The following CREG2 variants were observed in gnomAD, a reference collection of about 807,000 sequenced individuals.
CREG2 encodes protein CREG2.
CREG2 carries 24 observed loss-of-function variants against 26.2 expected under a neutral mutation model. The ratio of observed to expected loss-of-function variants is 0.92; its 90% confidence interval spans 0.66 to 1.29. CREG2 has a LOEUF of 1.29. Ranked by LOEUF, CREG2 falls within the 50% of genes most tolerant of loss-of-function variation. The pLI, the probability that CREG2 is intolerant of heterozygous loss-of-function variation, is 0.00. For missense variants in CREG2, 366 were observed against 398.6 expected (o/e 0.92, Z 0.70); for synonymous variants, 174 against 169.2 (o/e 1.03, Z -0.22).
chr2:101,361,271 GC>G (rs1684535723), intron 2 of CREG2, among the ~76,000 whole-genome samples: 1 of 152,202 alleles, frequency 6.6e-6, no homozygotes, highest in Admixed American at 6.5e-5. Flanking sequence ...TGGTAGACAG[GC>G]TAATGGCCCC....
Position 101,383,695 on chromosome 2 carries a change from C to G in CREG2, c.449G>C (p.Gly150Ala), listed in dbSNP as rs776322983. 5 of 1,603,842 alleles carry G rather than the reference C, an allele frequency of 3.1e-6. No individual in the cohort carries two copies. In the Admixed American group the frequency reaches 6.8e-5, roughly 22 times the overall value. Residue 150 changes from glycine (G) to alanine (A), a missense_variant, in exon 2 of 4, where the codon GGA becomes GCA. Gly to Ala is a moderately conservative substitution (Grantham distance 60). Around this residue, in one of 3 missense-constraint regions of CREG2, gnomAD observed 174 missense variants for 178.2 expected, o/e 0.98. Transcript: ENST00000324768. ...ATVSTHKKIQGLPFGNCLPVS... is the reference protein window; with the variant it reads ...ATVSTHKKIQALPFGNCLPVS... Reference sequence around the variant, plus strand: ...GGGCAGGCAGTTCCCAAATGGCAGTCCTTGGATCTAACAAACACCAAAAAA... The same window carrying G: ...GGGCAGGCAGTTCCCAAATGGCAGTGCTTGGATCTAACAAACACCAAAAAA...
chr2:101,365,468 A>G (rs987019616), intron 2 of CREG2, among the ~76,000 whole-genome samples: 3 of 152,188 alleles, frequency 2.0e-5, no homozygotes, highest in Non-Finnish European at 4.4e-5. Flanking sequence ...CATCACAGGA[A>G]ACCTATCAAA....
At chr2:101,385,587 A>G (rs1216469227) in intron 1 of CREG2, among the ~76,000 whole-genome samples, 1 of 152,180 alleles carries the variant, frequency 6.6e-6, no homozygotes, top group Non-Finnish European at 1.5e-5. Context: ...ACTTGCTCAG[A>G]ATTCAGGGGT....
chr2:101,382,084 T>C (rs934739340), intron 2 of CREG2: 17 of 152,298 alleles, frequency 1.1e-4, no homozygotes, highest in African/African-American at 3.6e-4. Context: ...GCGGCTGTGC[T>C]CTGGGTTCTG....
rs1191499590 is a variant in CREG2, at chr2:101,348,866, AAC to A, written c.*2055_*2056del. ...ATGTAAATTTCTAGAGATTTGCTGAAACACACTTGCCTGAATGGAGACCATCA... is the reference window on the plus strand; with the variant it reads ...ATGTAAATTTCTAGAGATTTGCTGAAACACTTGCCTGAATGGAGACCATCA... On this transcript the variant is annotated 3_prime_UTR_variant, in exon 4 of 4. Coordinates refer to ENST00000324768, the MANE Select transcript of CREG2 (RefSeq NM_153836.4). 1 of 152,196 alleles carries A rather than the reference AAC, an allele frequency of 6.6e-6. No homozygotes were observed. Among genetic ancestry groups the A allele is most frequent in the East Asian group, 1.9e-4 (1 of 5,208 alleles). The allele number at this position is 152,196 out of a possible 1,614,324, so 9.4% of individuals were successfully genotyped here.
chr2:101,382,368 G>C (rs987257007), intron 2 of CREG2: 1 of 450,348 alleles, frequency 2.2e-6, no homozygotes, highest in African/African-American at 2.2e-5. Context: ...CACGGTTGCA[G>C]TGAACCGAGA....
At chr2:101,352,674 G>C (rs1684400172) in intron 3 of CREG2, among the ~76,000 whole-genome samples, 1 of 152,180 alleles carries the variant, frequency 6.6e-6, no homozygotes, top group Non-Finnish European at 1.5e-5. Flanking sequence ...CAGCCGTGGT[G>C]GTGCACACCT....
intron 2 of CREG2, among the ~76,000 whole-genome samples, chr2:101,364,676 C>T (rs1364683319): frequency 1.3e-5 from 2 of 152,202 alleles, no homozygotes; most frequent in African/African-American, 4.8e-5. Flanking sequence ...GGATTCTTTT[C>T]ATGAATTGAA....
intron 2 of CREG2, among the ~76,000 whole-genome samples, chr2:101,364,172 C>T (rs1558816533): frequency 6.6e-6 from 1 of 152,164 alleles, no homozygotes. Flanking sequence ...TGAGATATGT[C>T]ACAAGGCTTT....
intron 2 of CREG2, among the ~76,000 whole-genome samples, chr2:101,359,890 A>C (rs1214155565): frequency 1.3e-5 from 2 of 152,226 alleles, no homozygotes; most frequent in Non-Finnish European, 2.9e-5. Context: ...GAGACCATTC[A>C]TAAGAATTTT....
Position 101,383,670 on chromosome 2 carries a change from G to C in CREG2, c.474C>G (p.Pro158=), listed in dbSNP as rs748123128. The change falls in exon 2 of 4, where the codon CCC becomes CCG. Residue 158 remains proline, a synonymous_variant. Transcript: ENST00000324768. ...IQGLPFGNCL[P]VSDGPFNNST... ...TATTGTTGAAGGGGCCATCACTGAC[G>C]GGCAGGCAGTTCCCAAATGGCAGTC... 1.9e-6 allele frequency: 3 copies of C among 1,610,662 alleles called. No homozygotes were observed. Among genetic ancestry groups the C allele is most frequent in the Admixed American group, 1.7e-5 (1 of 59,484 alleles).
intron 3 of CREG2, among the ~76,000 whole-genome samples, chr2:101,352,011 G>A (rs1044933232): frequency 6.6e-6 from 1 of 151,120 alleles, no homozygotes; most frequent in Non-Finnish European, 1.5e-5. Flanking sequence ...TCAGCCTCAT[G>A]AGTAGCGTGC....
rs1010413147 is a variant in CREG2, at chr2:101,346,159, A to C, written c.*4764T>G. The C allele has an allele frequency of 1.3e-5, 2 of 152,170 alleles. No individual in the cohort carries two copies. 9.4% of individuals were successfully genotyped at this position (152,170 alleles called of 1,614,324 possible). A position where few individuals can be genotyped will look rare whatever the true frequency, so the allele number is the denominator to read the frequency against. ...CAGCCTAGAAATACTTTTCAACCAA[A>C]AAGCGACTCTCTTATAAACAGCTAA... On this transcript the variant is annotated 3_prime_UTR_variant, in exon 4 of 4. Transcript: ENST00000324768.
rs979306882 is a variant in CREG2, at chr2:101,364,119, T to G, written c.612-8753A>C. 3.3e-5 allele frequency among the ~76,000 whole-genome samples: 5 copies of G among 152,280 alleles called. No homozygotes were observed. In the South Asian group the frequency reaches 6.2e-4, roughly 19 times the overall value. On this transcript the variant is annotated intron_variant, in intron 2 of 3. Transcript: ENST00000324768. The stretch of plus-strand genomic sequence containing the variant: ...ATGTCCTGCAATGCATGGGACGATC[T>G]TACACAAGGAACTGTCCTACCCCAA...
At position 101,349,219 on chromosome 2, in the gene CREG2, CAAT is replaced by C. The variant is rs1389272405; in HGVS notation, c.*1701_*1703del. ...CCCCATTTTTCTAAATTGGGAGTAGCAATAATTTTAAACTCTGAAAATATAAAA... is the reference window on the plus strand; with the variant it reads ...CCCCATTTTTCTAAATTGGGAGTAGCAATTTTAAACTCTGAAAATATAAAA... On this transcript the variant is annotated 3_prime_UTR_variant, in exon 4 of 4. Coordinates refer to ENST00000324768, the MANE Select transcript of CREG2 (RefSeq NM_153836.4). 1.3e-5 allele frequency: 2 copies of C among 152,538 alleles called. No homozygotes were observed. The highest frequency in any genetic ancestry group is 4.8e-5 in the African/African-American group (2 of 41,426). 9.4% of individuals were successfully genotyped at this position (152,538 alleles called of 1,614,324 possible). A position where few individuals can be genotyped will look rare whatever the true frequency, so the allele number is the denominator to read the frequency against.
In CREG2 at chr2:101,386,998, C is replaced by A. The variant is rs1401034758; in HGVS notation, c.441+19G>T. ...CGCCTGAATGCCAGGCCCCCTCGCG[C>A]TCCCCGCCGGGCGCTCACCTTCTTG... is the stretch of plus-strand genomic sequence containing the variant. On this transcript the variant is annotated intron_variant, in intron 1 of 3. Transcript: ENST00000324768. The A allele has an allele frequency of 3.2e-6, 4 of 1,232,432 alleles. No homozygotes were observed. The highest frequency in any genetic ancestry group is 1.6e-5 in the African/African-American group (1 of 64,304). 76.3% of individuals were successfully genotyped at this position (1,232,432 alleles called of 1,614,324 possible).
At chr2:101,385,604 T>G (rs369852673) in intron 1 of CREG2, among the ~76,000 whole-genome samples, 1 of 152,234 alleles carries the variant, frequency 6.6e-6, no homozygotes, top group African/African-American at 2.4e-5. Context: ...GGGTTGTCTT[T>G]GTCCTTGAAA....
At chr2:101,366,478 C>T (rs1684619525) in intron 2 of CREG2, among the ~76,000 whole-genome samples, 1 of 151,694 alleles carries the variant, frequency 6.6e-6, no homozygotes, top group Admixed American at 6.6e-5. Flanking sequence ...TCCAACCAAC[C>T]ACAGACTGAA....
chr2:101,382,383 G>T (rs1260736196), intron 2 of CREG2: 1 of 578,218 alleles, frequency 1.7e-6, no homozygotes, highest in Non-Finnish European at 2.2e-6. Context: ...CCGAGATTGC[G>T]CCACTGCACT....
Sources: gnomAD v4.1 joint callset for allele counts (sites outside exome capture counted in the v4.1 genomes callset) on GRCh38, gnomAD v4.1.1 for gene constraint, gnomAD v4.1.1 regional missense constraint, MANE v1.5 for transcripts, NCBI Gene and HGNC (gene_info 2026-07-23, HGNC 2026-07-21) for gene names.